The following DDHD1 variants were observed in gnomAD, a reference collection of about 807,000 sequenced individuals.
DDHD1 encodes DDHD domain containing 1, also known as phospholipase DDHD1.
DDHD1 carries 49 observed loss-of-function variants against 96.4 expected under a neutral mutation model. That is an observed-to-expected ratio of 0.51 (90% CI 0.40 to 0.64). DDHD1 has a LOEUF of 0.64. DDHD1 is among the 30% of genes least tolerant of loss of function. The pLI is 0.00. For synonymous variants in DDHD1, 442 were observed against 446.5 expected (o/e 0.99, Z 0.13); for missense variants, 1,106 against 1,161.2 (o/e 0.95, Z 0.69).
At chr14:53,082,370 G>A (rs991285998) in intron 4 of DDHD1, among the ~76,000 whole-genome samples, 2 of 150,434 alleles carry the variant, frequency 1.3e-5, no homozygotes, top group African/African-American at 4.9e-5. Flanking sequence ...GAAAATATAT[G>A]TGTGACATAA....
In DDHD1 at chr14:53,093,489, CTTTA is replaced by C. The variant is rs764735637; in HGVS notation, c.1013-49_1013-46del. 1.6e-5 allele frequency: 25 copies of C among 1,586,156 alleles called. No homozygotes were observed. In the East Asian group the frequency reaches 3.9e-4, roughly 24 times the overall value. On this transcript the variant is annotated intron_variant, in intron 2 of 12. Transcript: ENST00000673822. ...CTAATTTGAAGGTCTCCAAGACAAA[CTTTA>C]TTTGTTTGAAGAATTATAACACTCA...
In DDHD1 at chr14:53,152,185, G is replaced by C. The variant is rs200517664; in HGVS notation, c.838+76C>G. On this transcript the variant is annotated intron_variant, in intron 1 of 12. Coordinates refer to ENST00000673822, the MANE Select transcript of DDHD1 (RefSeq NM_001160148.2). ...CGCGCCTCCCTCTTCGCGGCGACCAGTCCCAAACCCACACCGGTGCGCATC... is the reference window on the plus strand; with the variant it reads ...CGCGCCTCCCTCTTCGCGGCGACCACTCCCAAACCCACACCGGTGCGCATC... The C allele has an allele frequency of 2.0e-4, 284 of 1,435,696 alleles. 2 individuals are homozygous for C. The East Asian group carries it at 6.8e-3, about 35-fold the overall frequency. The allele number at this position is 1,435,696 out of a possible 1,614,324, so 88.9% of individuals were successfully genotyped here.
chr14:53,145,449 A>G (rs1046812216), intron 1 of DDHD1, among the ~76,000 whole-genome samples: 1 of 148,556 alleles, frequency 6.7e-6, no homozygotes, highest in Non-Finnish European at 1.5e-5. Flanking sequence ...GCTGCAGTGA[A>G]CTATGATCAC....
In DDHD1 at chr14:53,054,441, C is replaced by G; in HGVS notation, c.2434G>C (p.Ala812Pro). 1 of 1,612,888 alleles carries G rather than the reference C, an allele frequency of 6.2e-7. No homozygotes were observed. The highest frequency in any genetic ancestry group is 8.5e-7 in the Non-Finnish European group (1 of 1,179,104). ...PHSSSGFLDS[A>P]YFRLQESFFN... ...AGGAAATAATGTATGAACTAACATG[C>G]AGAATCGAGGAAGCCAGAACTGCTA... The change falls in exon 11 of 13, where the codon GCA (alanine) becomes CCA (proline). Residue 812 changes from alanine to proline, a missense_variant. This residue lies in a region of DDHD1 where 650 missense variants were observed against 758.8 expected (regional missense o/e 0.86). Transcript: ENST00000673822.
At position 53,152,846 on chromosome 14, in the gene DDHD1, T is replaced by G; in HGVS notation, c.253A>C (p.Ser85Arg). 1 of 1,611,944 alleles carries G rather than the reference T, an allele frequency of 6.2e-7. No individual in the cohort carries two copies. Among genetic ancestry groups the G allele is most frequent in the Non-Finnish European group, 8.5e-7 (1 of 1,179,316 alleles). The change falls in exon 1 of 13, where the codon AGT (serine) becomes CGT (arginine). Residue 85 changes from serine (S) to arginine (R), a missense_variant. Physicochemically the swap from Ser to Arg is moderately radical, Grantham distance 110 (BLOSUM62 -1). This residue lies in a region of DDHD1 where 456 missense variants were observed against 402.4 expected (regional missense o/e 1.13). Coordinates refer to ENST00000673822, the MANE Select transcript of DDHD1 (RefSeq NM_001160148.2). ...GAGCTGAAGTCATAGTTCTCGTCACTGAGGCAGGGGTCCAGCGCGAGGTGG... is the reference window on the plus strand; with the variant it reads ...GAGCTGAAGTCATAGTTCTCGTCACGGAGGCAGGGGTCCAGCGCGAGGTGG... ...NHHLALDPCL[S>R]DENYDFSSAE...
intron 10 of DDHD1, among the ~76,000 whole-genome samples, chr14:53,055,270 T>C (rs866837491): frequency 6.6e-6 from 1 of 152,232 alleles, no homozygotes; most frequent in Admixed American, 6.5e-5. Context: ...ACTTTTAGAA[T>C]AGATCAGAGA....
At chr14:53,110,981 C>CA (rs1469061967) in intron 1 of DDHD1, among the ~76,000 whole-genome samples, 3 of 151,770 alleles carry the variant, frequency 2.0e-5, no homozygotes, top group Non-Finnish European at 2.9e-5. Context: ...GAGTCCGTCT[C>CA]AAAAAAAGAG....
intron 1 of DDHD1, among the ~76,000 whole-genome samples, chr14:53,114,934 A>G (rs1888429431): frequency 6.6e-6 from 1 of 152,228 alleles, no homozygotes; most frequent in African/African-American, 2.4e-5. Context: ...CCTCTGAGCT[A>G]AAGGAGCATG....
chr14:53,070,150 T>C (rs1414803355), intron 6 of DDHD1, among the ~76,000 whole-genome samples: 1 of 152,192 alleles, frequency 6.6e-6, no homozygotes, highest in Non-Finnish European at 1.5e-5. Flanking sequence ...TAACATGTGC[T>C]CTGATATCCT....
In DDHD1 at chr14:53,043,392, A is replaced by AGTGTGTGTGTATGTGT. The variant is rs1555328236; in HGVS notation, c.*3375_*3376insACACATACACACACAC. On this transcript the variant is annotated 3_prime_UTR_variant, in exon 13 of 13. Transcript: ENST00000673822. The stretch of plus-strand genomic sequence containing the variant: ...CAAAAGAGCAGTTATTAGAACATCC[A>AGTGTGTGTGTATGTGT]GTGTGTGTGTGTGTGTGTGTGTGTG... 1 of 112,440 alleles carries AGTGTGTGTGTATGTGT rather than the reference A, an allele frequency of 8.9e-6. No homozygotes were observed. Among genetic ancestry groups the AGTGTGTGTGTATGTGT allele is most frequent in the Admixed American group, 9.0e-5 (1 of 11,108 alleles). 7.0% of individuals were successfully genotyped at this position (112,440 alleles called of 1,614,324 possible). A position where few individuals can be genotyped will look rare whatever the true frequency, so the allele number is the denominator to read the frequency against.
At chr14:53,083,073 A>C (rs1566548674) in intron 4 of DDHD1, among the ~76,000 whole-genome samples, 1 of 152,120 alleles carries the variant, frequency 6.6e-6, no homozygotes, top group African/African-American at 2.4e-5. Flanking sequence ...CCATATTTTA[A>C]TATTTTGTTT....
At chr14:53,085,828 A>G (rs1885897340) in intron 4 of DDHD1, among the ~76,000 whole-genome samples, 1 of 152,200 alleles carries the variant, frequency 6.6e-6, no homozygotes, top group Non-Finnish European at 1.5e-5. Context: ...TAGGCTTCAG[A>G]AGGTTGGTAA....
At chr14:53,118,180 G>C (rs1164420680) in intron 1 of DDHD1, among the ~76,000 whole-genome samples, 1 of 152,100 alleles carries the variant, frequency 6.6e-6, no homozygotes, top group Non-Finnish European at 1.5e-5. Flanking sequence ...AAAGACCAAA[G>C]GTAGATAAAA....
intron 2 of DDHD1, among the ~76,000 whole-genome samples, chr14:53,096,382 G>A (rs1886885333): frequency 6.6e-6 from 1 of 151,942 alleles, no homozygotes; most frequent in South Asian, 2.1e-4. Flanking sequence ...CAAAACATTA[G>A]TATAATGTTT....
At chr14:53,057,553 T>C (rs1206967938) in intron 9 of DDHD1, among the ~76,000 whole-genome samples, 1 of 152,202 alleles carries the variant, frequency 6.6e-6, no homozygotes. Flanking sequence ...CATTCCAATA[T>C]TGTAGCATAC....
At chr14:53,107,457 G>C (rs994085102) in intron 1 of DDHD1, among the ~76,000 whole-genome samples, 1 of 152,068 alleles carries the variant, frequency 6.6e-6, no homozygotes, top group East Asian at 1.9e-4. Flanking sequence ...AGGATGGCTG[G>C]AGACTTCATC....
rs189448234 is a variant in DDHD1 at position 53,121,006 on chromosome 14, A to C, written c.839-17150T>G. 3.9e-5 allele frequency among the ~76,000 whole-genome samples: 6 copies of C among 152,296 alleles called. No homozygotes were observed. In the East Asian group the frequency reaches 1.2e-3, roughly 29 times the overall value. On this transcript the variant is annotated intron_variant, in intron 1 of 12. Coordinates refer to ENST00000673822, the MANE Select transcript of DDHD1 (RefSeq NM_001160148.2). ...AAACTATCATCAGAGTGAACAGGCAACCTACAGAATGGGAGAAAATTTTTG... is the reference window on the plus strand; with the variant it reads ...AAACTATCATCAGAGTGAACAGGCACCCTACAGAATGGGAGAAAATTTTTG...
At chr14:53,100,060 A>T (rs1024691635) in intron 2 of DDHD1, among the ~76,000 whole-genome samples, 1 of 152,126 alleles carries the variant, frequency 6.6e-6, no homozygotes, top group African/African-American at 2.4e-5. Flanking sequence ...ATATGTGGGG[A>T]AAAAAACAAT....
rs557592698 is a variant in DDHD1, at chr14:53,043,046, T to C, written c.*3722A>G. On this transcript the variant is annotated 3_prime_UTR_variant, in exon 13 of 13. Coordinates refer to ENST00000673822, the MANE Select transcript of DDHD1 (RefSeq NM_001160148.2). ...ATCTTTTGGCTTGATCTGACTCCACTGGAAGGGGCTCATGTACTATCACTG... is the reference window on the plus strand; with the variant it reads ...ATCTTTTGGCTTGATCTGACTCCACCGGAAGGGGCTCATGTACTATCACTG... 3 of 152,300 alleles carry C rather than the reference T, an allele frequency of 2.0e-5. No individual in the cohort carries two copies. The highest frequency in any genetic ancestry group is 2.1e-4 in the South Asian group (1 of 4,826). 9.4% of individuals were successfully genotyped at this position (152,300 alleles called of 1,614,324 possible). A position where few individuals can be genotyped will look rare whatever the true frequency, so the allele number is the denominator to read the frequency against.
Sources: allele counts gnomAD v4.1 joint callset (sites outside exome capture counted in the v4.1 genomes callset), GRCh38; gene constraint gnomAD v4.1.1; regional missense constraint gnomAD v4.1.1; transcripts MANE v1.5; gene names NCBI Gene and HGNC (gene_info 2026-07-23, HGNC 2026-07-21).